Variants in EPHA6 observed in about 807,000 individuals in gnomAD.
The protein encoded by EPHA6 is EPH receptor A6, also known as ephrin type-A receptor 6.
EPHA6 carries 50 observed loss-of-function variants against 112.0 expected under a neutral mutation model. The ratio of observed to expected loss-of-function variants is 0.45; its 90% CI spans 0.36 to 0.56. The LOEUF (loss-of-function observed/expected upper bound fraction) is 0.56, where lower values mean the gene tolerates loss of function less well. Among genes scored for constraint, EPHA6 ranks in the 20% least tolerant of loss-of-function variants. The pLI, the probability that EPHA6 is intolerant of heterozygous loss-of-function variation, is 0.00. For synonymous variants in EPHA6, 529 were observed against 490.7 expected (o/e 1.08, Z -1.03); for missense variants, 1,280 against 1,417.4 (o/e 0.90, Z 1.56).
At chr3:97,604,183 T>C (rs1348401350) in intron 12 of EPHA6, among the ~76,000 whole-genome samples, 1 of 151,766 alleles carries the variant, frequency 6.6e-6, no homozygotes, top group African/African-American at 2.4e-5. Context: ...AAATATATAA[T>C]ATTCAAATGA....
intron 1 of EPHA6, among the ~76,000 whole-genome samples, chr3:96,856,907 T>A (rs754738355): frequency 6.6e-6 from 1 of 152,164 alleles, no homozygotes; most frequent in Non-Finnish European, 1.5e-5. Flanking sequence ...TATGCCTGAT[T>A]AACAAGAACC....
chr3:97,033,860 G>T (rs2044976168), intron 3 of EPHA6, among the ~76,000 whole-genome samples: 1 of 151,876 alleles, frequency 6.6e-6, no homozygotes, highest in African/African-American at 2.4e-5. Context: ...TACCTCTTTT[G>T]TCAAGTAATG....
intron 3 of EPHA6, among the ~76,000 whole-genome samples, chr3:97,016,107 AT>A (rs555578162): frequency 2.6e-5 from 4 of 152,098 alleles, no homozygotes; most frequent in Non-Finnish European, 5.9e-5. Flanking sequence ...AAAGTGGTGA[AT>A]GAAACATTGA....
At chr3:96,926,137 T>A (rs549001960) in intron 2 of EPHA6, among the ~76,000 whole-genome samples, 20 of 152,230 alleles carry the variant, frequency 1.3e-4, no homozygotes, top group Admixed American at 3.9e-4. Context: ...AGGAAACTTA[T>A]AGTCATGGCA....
chr3:97,111,848 C>A (rs1317798122), intron 3 of EPHA6, among the ~76,000 whole-genome samples: 1 of 152,138 alleles, frequency 6.6e-6, no homozygotes, highest in South Asian at 2.1e-4. Context: ...ATTGCCACTT[C>A]AGGAACGTTC....
chr3:97,756,470 T>A lies in EPHA6; in HGVS notation c.*7769T>A, dbSNP rs1017875183. On this transcript the variant is annotated 3_prime_UTR_variant, in exon 18 of 18. Coordinates refer to ENST00000389672, the MANE Select transcript of EPHA6 (RefSeq NM_001080448.3). ...TCATACATAGTTAATAAACAATGAT[T>A]GGAGCTTTTCAAAATTGCTGCTCTG... is the stretch of plus-strand genomic sequence containing the variant. Among the ~76,000 whole-genome samples, 1 of 151,954 alleles carries A rather than the reference T, an allele frequency of 6.6e-6. No homozygotes were observed. Among genetic ancestry groups the A allele is most frequent in the African/African-American group, 2.4e-5 (1 of 41,450 alleles).
At chr3:97,363,520 CT>C (rs1210459831) in intron 5 of EPHA6, among the ~76,000 whole-genome samples, 2 of 151,510 alleles carry the variant, frequency 1.3e-5, no homozygotes, top group Non-Finnish European at 2.9e-5. Context: ...TGCTAATTTG[CT>C]TTTTCATTTT....
chr3:97,555,338 A>G (rs1224011139), intron 11 of EPHA6, among the ~76,000 whole-genome samples: 1 of 152,032 alleles, frequency 6.6e-6, no homozygotes, highest in Non-Finnish European at 1.5e-5. Context: ...ATTGTTGGAC[A>G]TTTGGGTTGG....
intron 3 of EPHA6, among the ~76,000 whole-genome samples, chr3:97,025,677 C>T (rs528262203): frequency 3.3e-5 from 5 of 152,304 alleles, no homozygotes; most frequent in Non-Finnish European, 7.4e-5. Context: ...CAACCTCTGC[C>T]TCCTGGGTTC....
chr3:97,604,096 G>A (rs116379945), intron 12 of EPHA6, among the ~76,000 whole-genome samples: 2,935 of 151,672 alleles, frequency 0.019, 102 homozygotes, highest in African/African-American at 0.067. Context: ...ACCCTAAGGA[G>A]GAGGCTATAA....
intron 3 of EPHA6, among the ~76,000 whole-genome samples, chr3:97,141,882 A>G (rs2075915621): frequency 1.3e-5 from 2 of 151,980 alleles, no homozygotes. Flanking sequence ...GATACAAAGG[A>G]TTAACCCTTT....
At chr3:96,877,624 A>G (rs2037046203) in intron 2 of EPHA6, among the ~76,000 whole-genome samples, 2 of 140,090 alleles carry the variant, frequency 1.4e-5, no homozygotes, top group South Asian at 4.7e-4. Context: ...TGAAACTTTC[A>G]AAAAACACAG....
intron 3 of EPHA6, among the ~76,000 whole-genome samples, chr3:96,993,053 T>C (rs1483796818): frequency 6.6e-6 from 1 of 152,208 alleles, no homozygotes; most frequent in Non-Finnish European, 1.5e-5. Flanking sequence ...TCCTGTGGAA[T>C]GCTCTGTTTC....
intron 3 of EPHA6, among the ~76,000 whole-genome samples, chr3:97,121,648 G>C (rs1200580456): frequency 3.3e-5 from 5 of 152,096 alleles, no homozygotes; most frequent in Non-Finnish European, 5.9e-5. Flanking sequence ...ATGGAGCACT[G>C]TAGGGCTATA....
intron 1 of EPHA6, among the ~76,000 whole-genome samples, chr3:96,825,749 G>T (rs1351249490): frequency 6.6e-6 from 1 of 151,808 alleles, no homozygotes; most frequent in Non-Finnish European, 1.5e-5. Context: ...TTGACATTTA[G>T]ATTTGTACTT....
intron 11 of EPHA6, among the ~76,000 whole-genome samples, chr3:97,570,729 A>C (rs893869609): frequency 7.2e-6 from 1 of 139,578 alleles, no homozygotes; most frequent in African/African-American, 2.9e-5. Context: ...ACTCTGTTTC[A>C]AAAAAAAAAA....
At chr3:97,280,484 C>T (rs1439226563) in intron 5 of EPHA6, among the ~76,000 whole-genome samples, 2 of 152,082 alleles carry the variant, frequency 1.3e-5, no homozygotes, top group African/African-American at 4.8e-5. Context: ...TGTGTCTCAG[C>T]CTTTACTCTG....
chr3:97,515,464 G>T (rs763880643), intron 10 of EPHA6, among the ~76,000 whole-genome samples: 1 of 152,122 alleles, frequency 6.6e-6, no homozygotes, highest in Non-Finnish European at 1.5e-5. Flanking sequence ...TATTACATTT[G>T]ATTTCTAACA....
At chr3:96,908,952 A>C (rs111678665) in intron 2 of EPHA6, among the ~76,000 whole-genome samples, 1,665 of 152,034 alleles carry the variant, frequency 0.011, 29 homozygotes, top group African/African-American at 0.038. Context: ...TTGTAAAGTA[A>C]TTGAAGCAGT....
Sources: gnomAD v4.1 joint callset for allele counts (sites outside exome capture counted in the v4.1 genomes callset) on GRCh38, gnomAD v4.1.1 for gene constraint, MANE v1.5 for transcripts, NCBI Gene and HGNC (gene_info 2026-07-23, HGNC 2026-07-21) for gene names.